Variants in VIPAS39 observed in about 807,000 individuals in gnomAD.
VIPAS39 encodes VPS33B interacting protein, apical-basolateral polarity regulator, spe-39 homolog.
A neutral mutation model predicts 84.7 loss-of-function variants in VIPAS39; 63 were observed. The ratio of observed to expected loss-of-function variants is 0.74; its 90% CI spans 0.61 to 0.92. The LOEUF is 0.92. Ranked by LOEUF, VIPAS39 falls within the 40% of genes least tolerant of loss-of-function variation. The pLI, the probability that VIPAS39 is intolerant of heterozygous loss-of-function variation, is 0.00. For synonymous variants in VIPAS39, 192 were observed against 216.5 expected (o/e 0.89, Z 0.99); for missense variants, 499 against 604.5 (o/e 0.83, Z 1.83).
intron 10 of VIPAS39, among the ~76,000 whole-genome samples, chr14:77,441,917 C>G (rs764155945): frequency 2.6e-5 from 4 of 152,122 alleles, no homozygotes; most frequent in Non-Finnish European, 2.9e-5. Flanking sequence ...GGAAGAAAAA[C>G]ATGATAGAAG....
At chr14:77,449,110 T>G (rs934107519) in intron 6 of VIPAS39, among the ~76,000 whole-genome samples, 183 bp downstream of exon 6, 2 of 152,108 alleles carry the variant, frequency 1.3e-5, no homozygotes, top group Non-Finnish European at 2.9e-5. Flanking sequence ...TAAGTCTAAG[T>G]TGCACCCTTT....
intron 3 of VIPAS39, 110 bp from the exon 4 acceptor site, chr14:77,451,443 C>T: frequency 3.3e-6 from 5 of 1,507,764 alleles, no homozygotes; most frequent in Non-Finnish European, 4.6e-6. Context: ...GTCCCTTGGC[C>T]AACTTGGGGC....
At chr14:77,443,408 T>C (rs2078733732) in intron 8 of VIPAS39, among the ~76,000 whole-genome samples, 1 of 152,160 alleles carries the variant, frequency 6.6e-6, no homozygotes, top group East Asian at 1.9e-4. Context: ...TCAGATTGTT[T>C]TATATAACAC....
chr14:77,441,014 A>G (rs2078694804), intron 11 of VIPAS39, 52 bp downstream of exon 11: 4 of 1,608,342 alleles, frequency 2.5e-6, no homozygotes, highest in Admixed American at 1.7e-5. Flanking sequence ...CACTGTGCCC[A>G]GCCTAGATTT....
At chr14:77,453,173 G>C in intron 3 of VIPAS39, 126 bp downstream of exon 3, 1 of 1,009,462 alleles carries the variant, frequency 9.9e-7, no homozygotes, top group Non-Finnish European at 1.6e-6. Context: ...CCAGATGTAT[G>C]CTTATCTGAA....
chr14:77,430,562 C>CA (rs2078505506), intron 16 of VIPAS39, among the ~76,000 whole-genome samples: 1 of 151,760 alleles, frequency 6.6e-6, no homozygotes, highest in African/African-American at 2.4e-5. Context: ...ACTAAAAATA[C>CA]AAAAATTAGC....
chr14:77,436,803 A>G (rs2078619401), intron 12 of VIPAS39, among the ~76,000 whole-genome samples: 1 of 152,162 alleles, frequency 6.6e-6, no homozygotes, highest in South Asian at 2.1e-4. Context: ...TCATGTGGTC[A>G]ATGGGGAAGG....
rs529552650 is a variant in VIPAS39, at chr14:77,451,131, A to T, written c.343+56T>A. 5.6e-6 allele frequency: 9 copies of T among 1,612,394 alleles called. No individual in the cohort carries two copies. In the Admixed American group the frequency reaches 1.2e-4, roughly 21 times the overall value. On this transcript the variant is annotated intron_variant, in intron 4 of 19. Transcript: ENST00000557658. ...CAAAGTAAATGAAAATTATGGCCTA[A>T]GATTTTTCTGGAAAAAGAGAAGGAC...
chr14:77,437,502 G>A (rs2078631744), intron 12 of VIPAS39, among the ~76,000 whole-genome samples: 1 of 152,044 alleles, frequency 6.6e-6, no homozygotes, highest in Non-Finnish European at 1.5e-5. Flanking sequence ...TAGTACCAAA[G>A]AAGAAGAGAA....
At position 77,435,310 on chromosome 14, in the gene VIPAS39, T is replaced by C. The variant is rs763153629; in HGVS notation, c.996A>G (p.Pro332=). The C allele has an allele frequency of 6.2e-7, 1 of 1,613,440 alleles. No homozygotes were observed. The highest frequency in any genetic ancestry group is 8.5e-7 in the Non-Finnish European group (1 of 1,179,908). The change falls in exon 14 of 20, where the codon CCA becomes CCG. Residue 332 remains proline (P), a synonymous_variant. Coordinates refer to ENST00000557658, the MANE Select transcript of VIPAS39 (RefSeq NM_001193315.2). ...AGGAGTAGAAAAGTGTTGTCACTAG[T>C]GGCATGTTGAGGATGGAGGCTTTGC... ...HPRKASILNM[P]LVTTLFYSCF... is the part of the protein sequence containing the mutation.
At chr14:77,438,839 T>G (rs2078655965) in intron 11 of VIPAS39, among the ~76,000 whole-genome samples, 1 of 152,208 alleles carries the variant, frequency 6.6e-6, no homozygotes, top group African/African-American at 2.4e-5. Flanking sequence ...TTCATAAATA[T>G]TCTCAGATTG....
In VIPAS39 at chr14:77,435,403, AGTG is replaced by A; in HGVS notation, c.913-13_913-11del. 7.3e-7 allele frequency: 1 copy of A among 1,376,976 alleles called. No homozygotes were observed. The highest frequency in any genetic ancestry group is 1.7e-5 in the African/African-American group (1 of 57,160). 85.3% of individuals were successfully genotyped at this position (1,376,976 alleles called of 1,614,324 possible). A position where few individuals can be genotyped will look rare whatever the true frequency, so the allele number is the denominator to read the frequency against. The stretch of plus-strand genomic sequence containing the variant: ...GATGGCGATCATTTGCCTGTGGTGG[AGTG>A]AGCCAAGTGAAAAAAAAAAAAAACA... On this transcript the variant is annotated splice_polypyrimidine_tract_variant and intron_variant, in intron 13 of 19. Transcript: ENST00000557658.
rs376797384 is a variant in VIPAS39 at position 77,448,504 on chromosome 14, C to T, written c.494G>A (p.Arg165Gln). The T allele has an allele frequency of 1.5e-5, 24 of 1,614,038 alleles. No homozygotes were observed. Among genetic ancestry groups the T allele is most frequent in the African/African-American group, 2.7e-5 (2 of 74,914 alleles). Residue 165 changes from arginine to glutamine, a missense_variant, in exon 7 of 20, where the codon CGG becomes CAG. Physicochemically the swap from Arg to Gln is conservative, Grantham distance 43. Coordinates refer to ENST00000557658, the MANE Select transcript of VIPAS39 (RefSeq NM_001193315.2). ...ATTCTCTGTCCTTACCTTGCCCTTC[C>T]GGAGACGTCGCACTGTATCACTGGG... The part of the protein sequence containing the change: ...WSPSDTVRRL[R>Q]KGKVCSLERF...
Position 77,435,414 on chromosome 14 carries a change from T to A in VIPAS39, c.913-21A>T, listed in dbSNP as rs201145286. The A allele has an allele frequency of 5.8e-4, 514 of 892,348 alleles. 1 individual carries two copies. Among genetic ancestry groups the A allele is most frequent in the Non-Finnish European group, 7.1e-4 (478 of 669,456 alleles). 55.3% of individuals were successfully genotyped at this position (892,348 alleles called of 1,614,324 possible). ...TTTGCCTGTGGTGGAGTGAGCCAAG[T>A]GAAAAAAAAAAAAAACAATGTCCAT... is the stretch of plus-strand genomic sequence containing the variant. On this transcript the variant is annotated intron_variant, in intron 13 of 19. Transcript: ENST00000557658.
At chr14:77,442,978 G>C (rs2078726179) in intron 9 of VIPAS39, 141 bp downstream of exon 9, 3 of 1,104,724 alleles carry the variant, frequency 2.7e-6, no homozygotes, top group Non-Finnish European at 4.1e-6. Flanking sequence ...GATGTGATTT[G>C]TGCTCTGAAG....
chr14:77,435,954 A>G (rs750411211), intron 12 of VIPAS39, 35 bp from the exon 13 acceptor site: 2 of 1,611,418 alleles, frequency 1.2e-6, no homozygotes, highest in South Asian at 2.2e-5. Context: ...ACCTTTCTCT[A>G]TTCAAACAAG....
Position 77,449,691 on chromosome 14 carries a change from T to C in VIPAS39, c.382+23A>G, listed in dbSNP as rs963547792. 4.3e-6 allele frequency: 7 copies of C among 1,613,906 alleles called. No individual in the cohort carries two copies. The African/African-American group carries it at 9.4e-5, about 22-fold the overall frequency. ...AGATCAGTAACATTTCCCACAGCAA[T>C]TAAAAGAGGGTTCAATGCCTACCAT... On this transcript the variant is annotated intron_variant, in intron 5 of 19. Transcript: ENST00000557658.
intron 7 of VIPAS39, among the ~76,000 whole-genome samples, chr14:77,445,932 TC>T (rs1283895495): frequency 7.3e-6 from 1 of 137,282 alleles, no homozygotes; most frequent in Non-Finnish European, 1.6e-5. Flanking sequence ...AGAAGGAGAC[TC>T]CATCTCAAAA....
Position 77,437,794 on chromosome 14 carries a change from TC to T in VIPAS39, c.836+13del. ...AGGTATTTATACTTAAAATCATTTT[TC>T]CCCCATACTTACCCAACACAGGTTT... On this transcript the variant is annotated intron_variant, in intron 12 of 19. Transcript: ENST00000557658. 6.2e-7 allele frequency: 1 copy of T among 1,612,550 alleles called. No individual in the cohort carries two copies. Among genetic ancestry groups the T allele is most frequent in the Non-Finnish European group, 8.5e-7 (1 of 1,178,606 alleles).
Sources: gnomAD v4.1 joint callset for allele counts (sites outside exome capture counted in the v4.1 genomes callset) on GRCh38, gnomAD v4.1.1 for gene constraint, MANE v1.5 for transcripts, NCBI Gene and HGNC (gene_info 2026-07-23, HGNC 2026-07-21) for gene names.